The following GRIK4 variants were observed in gnomAD, a reference collection of about 807,000 sequenced individuals.
GRIK4 encodes the protein glutamate ionotropic receptor kainate type subunit 4.
GRIK4 carries 40 observed loss-of-function variants against 104.9 expected under a neutral mutation model. That is an observed-to-expected ratio of 0.38 (90% confidence interval 0.30 to 0.50). GRIK4 has a LOEUF of 0.50. GRIK4 is among the 20% of genes least tolerant of loss of function. GRIK4 has a pLI of 0.93. For missense variants in GRIK4, 1,047 were observed against 1,308.1 expected, an observed-to-expected ratio of 0.80 and a Z score of 3.08; for synonymous variants, 485 against 524.9, an observed-to-expected ratio of 0.92 and a Z score of 1.04.
intron 13 of GRIK4, among the ~76,000 whole-genome samples, chr11:120,933,835 C>T (rs7127305): frequency 0.021 from 3,145 of 152,184 alleles, 83 homozygotes; most frequent in African/African-American, 0.057. Context: ...TCTCCTGACC[C>T]GTCCCATCCT....
At chr11:120,684,646 G>A (rs1042740124) in intron 3 of GRIK4, among the ~76,000 whole-genome samples, 1 of 152,150 alleles carries the variant, frequency 6.6e-6, no homozygotes, top group African/African-American at 2.4e-5. Flanking sequence ...TTCTTTACCA[G>A]AGTAGTCAAG....
intron 3 of GRIK4, among the ~76,000 whole-genome samples, chr11:120,663,317 G>A (rs1949851087): frequency 6.6e-6 from 1 of 152,126 alleles, no homozygotes; most frequent in African/African-American, 2.4e-5. Context: ...GAGGAAACAG[G>A]GTCACAGCAG....
At chr11:120,636,424 T>C (rs1048890263) in intron 1 of GRIK4, among the ~76,000 whole-genome samples, 1 of 152,168 alleles carries the variant, frequency 6.6e-6, no homozygotes, top group African/African-American at 2.4e-5. Context: ...AAAGCATTAG[T>C]TGAGTGAAGG....
intron 13 of GRIK4, among the ~76,000 whole-genome samples, chr11:120,920,956 T>C (rs1943215352): frequency 6.6e-6 from 1 of 152,204 alleles, no homozygotes; most frequent in Non-Finnish European, 1.5e-5. Context: ...CTTGGTTCCT[T>C]GGACACAGCA....
intron 11 of GRIK4, chr11:120,894,624 G>A (rs1942520818): frequency 6.6e-6 from 1 of 152,308 alleles, no homozygotes; most frequent in Non-Finnish European, 1.5e-5. Context: ...AGGGAGCCAA[G>A]GAGAGACATT....
chr11:120,606,488 G>A (rs1412929133), intron 1 of GRIK4, among the ~76,000 whole-genome samples: 1 of 152,238 alleles, frequency 6.6e-6, no homozygotes, highest in Non-Finnish European at 1.5e-5. Flanking sequence ...CAAGCCAGGG[G>A]TAGAGCCCGA....
At chr11:120,868,120 G>A (rs559424270) in intron 9 of GRIK4, 2 of 151,892 alleles carry the variant, frequency 1.3e-5, no homozygotes, top group Non-Finnish European at 2.9e-5. Context: ...GAGAGATGAG[G>A]GTTACAGGTG....
At chr11:120,760,394 TATATATAAACATAGATATAC>T (rs1282374103) in intron 3 of GRIK4, among the ~76,000 whole-genome samples, 2 of 147,108 alleles carry the variant, frequency 1.4e-5, no homozygotes, top group Admixed American at 6.8e-5. Context: ...TATATATACA[TATATATAAACATAGATATAC>T]ATATATAAAC....
chr11:120,537,252 G>T (rs1486383670), intron 1 of GRIK4, among the ~76,000 whole-genome samples: 1 of 152,156 alleles, frequency 6.6e-6, no homozygotes, highest in African/African-American at 2.4e-5. Flanking sequence ...TTCCATGGTT[G>T]CATCGTCCTC....
At chr11:120,535,110 G>T (rs1199481713) in intron 1 of GRIK4, among the ~76,000 whole-genome samples, 1 of 152,156 alleles carries the variant, frequency 6.6e-6, no homozygotes, top group African/African-American at 2.4e-5. Flanking sequence ...TCAATTTTAA[G>T]TTGCCAACGT....
chr11:120,541,673 T>C (rs1331782564), intron 1 of GRIK4, among the ~76,000 whole-genome samples: 2 of 152,050 alleles, frequency 1.3e-5, no homozygotes, highest in Non-Finnish European at 2.9e-5. Context: ...GTATTTTTTT[T>C]GTAGAGACAG....
intron 11 of GRIK4, among the ~76,000 whole-genome samples, chr11:120,878,387 C>T (rs1334850693): frequency 1.3e-5 from 2 of 152,158 alleles, no homozygotes; most frequent in Non-Finnish European, 2.9e-5. Context: ...TACCCTTTGA[C>T]AAATACTGTC....
chr11:120,917,247 CAAAAAAAAAAA>C lies in GRIK4; in HGVS notation c.1476+11769_1476+11779del, dbSNP rs199620498. Reference sequence around the variant, plus strand: ...GGGTAACAAGAGCGAAACTCCGTCTCAAAAAAAAAAAAAAAAAAAAAAAAAGAAAGAAAGAA... The same window carrying C: ...GGGTAACAAGAGCGAAACTCCGTCTCAAAAAAAAAAAAAAGAAAGAAAGAA... On this transcript the variant is annotated intron_variant, in intron 13 of 20. Coordinates refer to ENST00000527524, the MANE Select transcript of GRIK4 (RefSeq NM_014619.5). 2.9e-4 allele frequency among the ~76,000 whole-genome samples: 10 copies of C among 34,806 alleles called. No homozygotes were observed. In the East Asian group the frequency reaches 8.6e-3, roughly 30 times the overall value. 22.8% of individuals were successfully genotyped at this position (34,806 alleles called of 152,430 possible).
intron 19 of GRIK4, among the ~76,000 whole-genome samples, chr11:120,971,073 A>T (rs1241438727): frequency 6.6e-6 from 1 of 152,214 alleles, no homozygotes; most frequent in Non-Finnish European, 1.5e-5. Context: ...CACAAAGTTT[A>T]TGGCAACGAA....
At position 120,875,136 on chromosome 11, in the gene GRIK4, C is replaced by T; in HGVS notation, c.1060-3C>T. The T allele has an allele frequency of 6.3e-7, 1 of 1,583,760 alleles. No homozygotes were observed. Among genetic ancestry groups the T allele is most frequent in the South Asian group, 1.1e-5 (1 of 90,316 alleles). ...GTGCTGTAACTCACTCTCTCTTGGA[C>T]AGGTAGAATTGGAAGGTCTTACCGG... On this transcript the variant is annotated splice_polypyrimidine_tract_variant and splice_region_variant and intron_variant, in intron 10 of 20. Coordinates refer to ENST00000527524, the MANE Select transcript of GRIK4 (RefSeq NM_014619.5).
chr11:120,531,457 C>T (rs1047325549), intron 1 of GRIK4, among the ~76,000 whole-genome samples: 5 of 152,252 alleles, frequency 3.3e-5, no homozygotes, highest in Non-Finnish European at 1.5e-5. Context: ...AGTGCTTACA[C>T]CAGCCTTGGG....
chr11:120,935,176 C>G (rs997112044), intron 13 of GRIK4, among the ~76,000 whole-genome samples: 6 of 152,190 alleles, frequency 3.9e-5, no homozygotes, highest in Admixed American at 2.6e-4. Context: ...AGAGCCTCTG[C>G]TTGAACCCTT....
intron 13 of GRIK4, among the ~76,000 whole-genome samples, chr11:120,918,559 G>A (rs557009734): frequency 3.3e-5 from 5 of 152,284 alleles, no homozygotes; most frequent in South Asian, 2.1e-4. Flanking sequence ...CACCAAACAC[G>A]TGCTCTGGGA....
chr11:120,644,510 G>A (rs2135206488), intron 1 of GRIK4, among the ~76,000 whole-genome samples: 1 of 152,328 alleles, frequency 6.6e-6, no homozygotes, highest in East Asian at 1.9e-4. Flanking sequence ...CACAGTAAGT[G>A]AGGGAGCTGG....
Sources: allele counts gnomAD v4.1 joint callset (sites outside exome capture counted in the v4.1 genomes callset), GRCh38; gene constraint gnomAD v4.1.1; transcripts MANE v1.5; gene names NCBI Gene and HGNC (gene_info 2026-07-23, HGNC 2026-07-21).